FLT1: variants seen among roughly 807,000 people sequenced by gnomAD.
FLT1 encodes vascular endothelial growth factor receptor 1.
Under a neutral mutation model 156.3 loss-of-function variants are expected in FLT1, and 49 were observed. The ratio of observed to expected loss-of-function variants is 0.31; its 90% confidence interval spans 0.25 to 0.40. The LOEUF is 0.40. Ranked by LOEUF, FLT1 falls within the 10% of genes least tolerant of loss-of-function variation. The pLI, the probability that FLT1 is intolerant of heterozygous loss-of-function variation, is 1.00. For synonymous variants in FLT1, 594 were observed against 583.8 expected (o/e 1.02, Z -0.25); for missense variants, 1,322 against 1,637.2 (o/e 0.81, Z 3.32).
intron 1 of FLT1, among the ~76,000 whole-genome samples, chr13:28,483,931 A>C (rs12858139): frequency 0.45 from 68,132 of 152,018 alleles, 17,386 homozygotes; most frequent in South Asian, 0.63. Flanking sequence ...AGAGTCCCCG[A>C]TTTCAAAATT....
At position 28,303,098 on chromosome 13, in the gene FLT1, T is replaced by A. The variant is rs1327952839; in HGVS notation, c.*69A>T. On this transcript the variant is annotated 3_prime_UTR_variant, in exon 30 of 30. Transcript: ENST00000282397. ...GTGTAAACTTATATATGCATAATACTGGCAAAAGCTAGTTTCCTGGGGGTA... is the reference window on the plus strand; with the variant it reads ...GTGTAAACTTATATATGCATAATACAGGCAAAAGCTAGTTTCCTGGGGGTA... 1 of 1,421,352 alleles carries A rather than the reference T, an allele frequency of 7.0e-7. No individual in the cohort carries two copies. Among genetic ancestry groups the A allele is most frequent in the Non-Finnish European group, 9.8e-7 (1 of 1,018,150 alleles). 88.0% of individuals were successfully genotyped at this position (1,421,352 alleles called of 1,614,324 possible).
Position 28,359,394 on chromosome 13 carries a change from A to C in FLT1, c.2117-1709T>G, listed in dbSNP as rs1419270812. Among the ~76,000 whole-genome samples, 5 of 152,322 alleles carry C rather than the reference A, an allele frequency of 3.3e-5. No individual in the cohort carries two copies. In the East Asian group the frequency reaches 9.6e-4, roughly 29 times the overall value. On this transcript the variant is annotated intron_variant, in intron 14 of 29. Transcript: ENST00000282397. ...TTATATAAAAATGAACTCAATATGG[A>C]TTAAAAACTTAAATGTAAGACCAGA...
intron 10 of FLT1, among the ~76,000 whole-genome samples, chr13:28,417,457 G>T (rs759538102): frequency 8.6e-5 from 13 of 151,988 alleles, no homozygotes; most frequent in Non-Finnish European, 1.2e-4. Context: ...CCCATGGTCG[G>T]CTCGTTTGGC....
At chr13:28,369,305 A>G (rs1012750535) in intron 14 of FLT1, among the ~76,000 whole-genome samples, 2 of 152,106 alleles carry the variant, frequency 1.3e-5, no homozygotes, top group Non-Finnish European at 2.9e-5. Flanking sequence ...GGGTCGGATC[A>G]CCTGAGGTCA....
intron 1 of FLT1, among the ~76,000 whole-genome samples, chr13:28,488,705 A>G (rs1406984165): frequency 6.6e-6 from 1 of 152,132 alleles, no homozygotes; most frequent in Non-Finnish European, 1.5e-5. Context: ...CATGTCTCGC[A>G]CCTAGCAGGG....
At chr13:28,346,909 C>T (rs1872586446) in intron 15 of FLT1, among the ~76,000 whole-genome samples, 1 of 152,094 alleles carries the variant, frequency 6.6e-6, no homozygotes, top group Non-Finnish European at 1.5e-5. Flanking sequence ...AGCACTTCAT[C>T]TTGGGGGCTC....
intron 3 of FLT1, among the ~76,000 whole-genome samples, chr13:28,463,948 T>C (rs902701340): frequency 1.3e-5 from 2 of 152,198 alleles, no homozygotes; most frequent in African/African-American, 4.8e-5. Flanking sequence ...AATAACAAAA[T>C]AGATGTTACT....
rs4771241 is a variant in FLT1, at chr13:28,339,827, A to C, written c.2356-527T>G. 9.3e-3 allele frequency among the ~76,000 whole-genome samples: 1,418 copies of C among 152,302 alleles called. 56 individuals are homozygous for C. Among genetic ancestry groups the C allele is most frequent in the Admixed American group, 0.062 (941 of 15,300 alleles). ...AAGCACATTTCTTATGAAGTGTTTA[A>C]ACTTTCAGAAGGCCTGACCTCTTAG... On this transcript the variant is annotated intron_variant, in intron 16 of 29. Coordinates refer to ENST00000282397, the MANE Select transcript of FLT1 (RefSeq NM_002019.4).
chr13:28,371,057 G>A (rs568838037), intron 14 of FLT1, among the ~76,000 whole-genome samples: 12 of 152,290 alleles, frequency 7.9e-5, no homozygotes, highest in African/African-American at 2.6e-4. Context: ...GAGTGGGGTA[G>A]AACAATACGT....
intron 24 of FLT1, among the ~76,000 whole-genome samples, chr13:28,318,265 G>A (rs1450168152): frequency 6.6e-6 from 1 of 152,162 alleles, no homozygotes; most frequent in African/African-American, 2.4e-5. Flanking sequence ...CAGGCCTGAG[G>A]GAAGGGGGGC....
At chr13:28,317,712 A>G (rs1871263051) in intron 24 of FLT1, 115 bp from the exon 25 acceptor site, 4 of 727,132 alleles carry the variant, frequency 5.5e-6, no homozygotes, top group South Asian at 1.5e-5. Flanking sequence ...TTAGTAATAA[A>G]TTCCCAGGGA....
At chr13:28,325,816 CAAAAAAAAAAAA>C in intron 20 of FLT1, among the ~76,000 whole-genome samples, 1 of 71,188 alleles carries the variant, frequency 1.4e-5, no homozygotes. Context: ...AACTCTGTCT[CAAAAAAAAAAAA>C]AAAAAAAAAA....
intron 1 of FLT1, among the ~76,000 whole-genome samples, chr13:28,493,908 C>T (rs968936405): frequency 6.6e-5 from 10 of 152,246 alleles, no homozygotes; most frequent in African/African-American, 2.4e-4. Context: ...TGGTCAAAAT[C>T]GCCCGCCCTC....
chr13:28,426,130 C>CTTTTTTTTTTTT (rs113958200), intron 10 of FLT1, among the ~76,000 whole-genome samples: 1 of 131,124 alleles, frequency 7.6e-6, no homozygotes, highest in African/African-American at 2.8e-5. Flanking sequence ...TCCTGTCAAT[C>CTTTTTTTTTTTT]TTTTTTTTTT....
chr13:28,407,571 A>G (rs1837882452), intron 10 of FLT1, among the ~76,000 whole-genome samples: 1 of 152,126 alleles, frequency 6.6e-6, no homozygotes, highest in African/African-American at 2.4e-5. Flanking sequence ...AATTAGCAAT[A>G]ATTCCGTGGT....
At chr13:28,413,802 T>G (rs1180529959) in intron 10 of FLT1, among the ~76,000 whole-genome samples, 1 of 151,888 alleles carries the variant, frequency 6.6e-6, no homozygotes, top group Non-Finnish European at 1.5e-5. Context: ...CTTTTGGGAG[T>G]GGAGGTAGGG....
intron 28 of FLT1, among the ~76,000 whole-genome samples, chr13:28,308,043 A>G (rs541002536): frequency 1.3e-3 from 196 of 152,290 alleles, no homozygotes; most frequent in African/African-American, 4.4e-3. Flanking sequence ...AAGTGCTGGG[A>G]TTACAGGCTT....
At chr13:28,486,202 G>A (rs980870265) in intron 1 of FLT1, among the ~76,000 whole-genome samples, 2 of 152,230 alleles carry the variant, frequency 1.3e-5, no homozygotes, top group African/African-American at 4.8e-5. Context: ...GATGCCCCCA[G>A]GAAGGGGGAA....
chr13:28,371,899 T>G (rs1175365572), intron 14 of FLT1, among the ~76,000 whole-genome samples: 1 of 151,550 alleles, frequency 6.6e-6, no homozygotes, highest in African/African-American at 2.4e-5. Context: ...GTTTGTTAAA[T>G]TTGTTGCCTG....
Sources: gnomAD v4.1 joint callset for allele counts (sites outside exome capture counted in the v4.1 genomes callset) on GRCh38, gnomAD v4.1.1 for gene constraint, MANE v1.5 for transcripts, NCBI Gene and HGNC (gene_info 2026-07-23, HGNC 2026-07-21) for gene names.